MTCL3: variants seen among roughly 807,000 people sequenced by gnomAD.
MTCL3 encodes MTCL family member 3, also known as microtubule cross-linking factor 3.
the MTCL3 span, among the ~76,000 whole-genome samples, chr6:127,496,389 G>GA: frequency 6.6e-6 from 1 of 152,056 alleles, no homozygotes; most frequent in African/African-American, 2.4e-5. Flanking sequence ...CAGAATCTGA[G>GA]AAAATTTTTT....
At chr6:127,476,567 A>C in the MTCL3 span, 6 of 970,794 alleles carry the variant, frequency 6.2e-6, no homozygotes, top group Non-Finnish European at 1.5e-6. The surrounding 1 kb of genome is among the most constrained non-coding windows in gnomAD (Gnocchi z 4.4). Context: ...TTTTTCTTGC[A>C]ATCCAGATTT....
At chr6:127,510,115 C>A in the MTCL3 span, among the ~76,000 whole-genome samples, 1 of 152,016 alleles carries the variant, frequency 6.6e-6, no homozygotes, top group Non-Finnish European at 1.5e-5. Flanking sequence ...CTTCTCAAAT[C>A]GTGAATGCCA....
the MTCL3 span, among the ~76,000 whole-genome samples, chr6:127,496,720 T>G: frequency 5.1e-4 from 78 of 152,240 alleles, no homozygotes; most frequent in Non-Finnish European, 9.0e-4. Flanking sequence ...ATTTGCCCAA[T>G]GGAATATTAT....
At chr6:127,515,044 C>G in the MTCL3 span, 1 of 1,613,608 alleles carries the variant, frequency 6.2e-7, no homozygotes, top group South Asian at 1.1e-5. This position sits in a 1 kb window ranked among gnomAD's most constrained non-coding sequence, Gnocchi z 4.3. Flanking sequence ...TCATCGATCT[C>G]GTTCTGAGGC....
chr6:127,503,389 G>A, the MTCL3 span, among the ~76,000 whole-genome samples: 11 of 152,214 alleles, frequency 7.2e-5, no homozygotes, highest in African/African-American at 2.7e-4. Flanking sequence ...CTGAGCCACT[G>A]CAGCCCTGGG....
chr6:127,476,142 G>A, the MTCL3 span: 29 of 1,614,044 alleles, frequency 1.8e-5, no homozygotes, highest in Non-Finnish European at 2.2e-5. The surrounding 1 kb of genome is among the most constrained non-coding windows in gnomAD (Gnocchi z 4.4). Flanking sequence ...TGGCCGAGCC[G>A]TTGAAGTCAT....
At chr6:127,490,627 G>A in the MTCL3 span, among the ~76,000 whole-genome samples, 1 of 151,862 alleles carries the variant, frequency 6.6e-6, no homozygotes, top group Non-Finnish European at 1.5e-5. Context: ...GACAATCCTG[G>A]CCAACACGGT....
At chr6:127,484,319 A>T in the MTCL3 span, among the ~76,000 whole-genome samples, 16 of 152,312 alleles carry the variant, frequency 1.1e-4, no homozygotes, top group South Asian at 2.9e-3. Flanking sequence ...ACACAGACAA[A>T]TGAATAGCCC....
chr6:127,514,816 C>G, the MTCL3 span: 1 of 1,606,782 alleles, frequency 6.2e-7, no homozygotes, highest in East Asian at 2.2e-5. Flanking sequence ...GCCCCCGCGC[C>G]GCAGACCTTG....
At chr6:127,499,198 T>C in the MTCL3 span, among the ~76,000 whole-genome samples, 1 of 152,146 alleles carries the variant, frequency 6.6e-6, no homozygotes, top group African/African-American at 2.4e-5. Flanking sequence ...TAGAAAATAT[T>C]GTACCCTTAA....
At chr6:127,483,886 A>T in the MTCL3 span, among the ~76,000 whole-genome samples, 2 of 152,212 alleles carry the variant, frequency 1.3e-5, no homozygotes, top group African/African-American at 4.8e-5. Flanking sequence ...TGCATCTACC[A>T]TCAGGAAGCT....
chr6:127,479,703 G>A, the MTCL3 span, among the ~76,000 whole-genome samples: 1 of 152,198 alleles, frequency 6.6e-6, no homozygotes, highest in Non-Finnish European at 1.5e-5. Context: ...GAGTCATTAG[G>A]AGGGAAAGAG....
At chr6:127,473,953 C>T in the MTCL3 span, among the ~76,000 whole-genome samples, 3 of 152,124 alleles carry the variant, frequency 2.0e-5, no homozygotes, top group African/African-American at 7.2e-5. Flanking sequence ...CAGCTCAGTC[C>T]AATTCATCCG....
At chr6:127,508,427 T>C in the MTCL3 span, among the ~76,000 whole-genome samples, 9,800 of 152,234 alleles carry the variant, frequency 0.064, 369 homozygotes, top group East Asian at 0.11. Flanking sequence ...AAATTTATAG[T>C]ACTAATTATT....
the MTCL3 span, among the ~76,000 whole-genome samples, chr6:127,483,488 T>C: frequency 6.6e-6 from 1 of 152,118 alleles, no homozygotes; most frequent in Non-Finnish European, 1.5e-5. Context: ...TGCAAAATGA[T>C]AGGGCATGGT....
the MTCL3 span, among the ~76,000 whole-genome samples, chr6:127,477,856 G>A: frequency 2.0e-5 from 3 of 152,128 alleles, no homozygotes; most frequent in African/African-American, 7.2e-5. Flanking sequence ...TAACATTGCA[G>A]TGCACAAGTT....
the MTCL3 span, among the ~76,000 whole-genome samples, chr6:127,504,563 G>A: frequency 6.6e-6 from 1 of 152,116 alleles, no homozygotes; most frequent in Non-Finnish European, 1.5e-5. Context: ...AGAGGGGAGT[G>A]GTGGAGAATA....
chr6:127,514,253 C>T, the MTCL3 span, among the ~76,000 whole-genome samples: 2 of 152,054 alleles, frequency 1.3e-5, no homozygotes, highest in Non-Finnish European at 2.9e-5. Context: ...AAACAGGCTG[C>T]AAGTTGGTTA....
chr6:127,514,949 C>G, the MTCL3 span: 1 of 1,614,162 alleles, frequency 6.2e-7, no homozygotes, highest in Non-Finnish European at 8.5e-7. Context: ...TGTTGGCTCT[C>G]TCCAACTCGT....
Sources: gnomAD v4.1 joint callset for allele counts (sites outside exome capture counted in the v4.1 genomes callset) on GRCh38, gnomAD v4.1.1 for gene constraint, Gnocchi (gnomAD v3.1) non-coding constraint, MANE v1.5 for transcripts, NCBI Gene and HGNC (gene_info 2026-07-23, HGNC 2026-07-21) for gene names.